The following GTF2IRD1 variants were observed in gnomAD, a reference collection of about 807,000 sequenced individuals.
The protein encoded by GTF2IRD1 is GTF2I repeat domain containing 1, also known as general transcription factor II-I repeat domain-containing protein 1.
GTF2IRD1 carries 26 observed loss-of-function variants against 113.2 expected under a neutral mutation model. The observed-to-expected ratio is 0.23, with a 90% confidence interval of 0.17 to 0.32. The LOEUF is 0.32. GTF2IRD1 is among the 10% of genes least tolerant of loss of function. The pLI is 1.00. For missense variants in GTF2IRD1, 864 were observed against 1,280.8 expected, an observed-to-expected ratio of 0.67 and a Z score of 4.97; for synonymous variants, 484 against 529.1, an observed-to-expected ratio of 0.91 and a Z score of 1.17.
At position 74,466,186 on chromosome 7, in the gene GTF2IRD1, G is replaced by T. The variant is rs544363510; in HGVS notation, c.-7+12010G>T. 7.9e-5 allele frequency among the ~76,000 whole-genome samples: 12 copies of T among 152,336 alleles called. No individual in the cohort carries two copies. In the South Asian group the frequency reaches 2.3e-3, roughly 29 times the overall value. ...AAGGTCACAGTCAGCCATCCCGCTT[G>T]TTAGAGGCCAGGCCCTGTTCTGGGG... On this transcript the variant is annotated intron_variant, in intron 1 of 26. Transcript: ENST00000424337.
chr7:74,473,397 G>T (rs1487598717), intron 1 of GTF2IRD1, among the ~76,000 whole-genome samples: 2 of 151,864 alleles, frequency 1.3e-5, no homozygotes, highest in Admixed American at 6.6e-5. Context: ...TGTGAGGTTG[G>T]GCGTGGAGGT....
At chr7:74,507,805 C>G (rs1448815868) in intron 1 of GTF2IRD1, 5 of 391,566 alleles carry the variant, frequency 1.3e-5, no homozygotes, top group African/African-American at 6.1e-5. Context: ...TGGGGCCTGT[C>G]CAACAGACTG....
At chr7:74,596,829 G>A (rs184003313) in intron 25 of GTF2IRD1, among the ~76,000 whole-genome samples, 158 of 152,130 alleles carry the variant, frequency 1.0e-3, no homozygotes, top group Non-Finnish European at 1.7e-3. Context: ...AACCAGGCCC[G>A]ACCCTGCTTC....
intron 15 of GTF2IRD1, among the ~76,000 whole-genome samples, 164 bp downstream of exon 15, chr7:74,544,966 G>C (rs2130650607): frequency 6.6e-6 from 1 of 152,266 alleles, no homozygotes; most frequent in Non-Finnish European, 1.5e-5. Flanking sequence ...CCTGATATGG[G>C]AGGAGATTTA....
intron 22 of GTF2IRD1, among the ~76,000 whole-genome samples, chr7:74,589,568 G>A (rs587767064): frequency 1.3e-5 from 2 of 152,096 alleles, no homozygotes; most frequent in South Asian, 2.1e-4. Flanking sequence ...ATGGTGGCAC[G>A]TGCCTGTGAT....
At chr7:74,462,946 G>T (rs1250602270) in intron 1 of GTF2IRD1, among the ~76,000 whole-genome samples, 1 of 152,224 alleles carries the variant, frequency 6.6e-6, no homozygotes, top group Non-Finnish European at 1.5e-5. Context: ...GGAGGTTGAG[G>T]GCGGTGCCAG....
chr7:74,482,112 TG>T (rs1554334740), intron 1 of GTF2IRD1, among the ~76,000 whole-genome samples: 1 of 152,172 alleles, frequency 6.6e-6, no homozygotes, highest in Non-Finnish European at 1.5e-5. Flanking sequence ...TAGGCGGAAC[TG>T]TACCATCTGT....
intron 22 of GTF2IRD1, among the ~76,000 whole-genome samples, chr7:74,587,960 C>T (rs1292246997): frequency 3.3e-5 from 5 of 152,236 alleles, no homozygotes; most frequent in Non-Finnish European, 5.9e-5. Flanking sequence ...GGTCAGCGAG[C>T]GGTCAGGGGA....
At chr7:74,598,023 CCT>C (rs1368127828) in intron 25 of GTF2IRD1, among the ~76,000 whole-genome samples, 1 of 152,278 alleles carries the variant, frequency 6.6e-6, no homozygotes, top group African/African-American at 2.4e-5. Flanking sequence ...TAGTCACAAG[CCT>C]GGGCCATAAA....
intron 17 of GTF2IRD1, among the ~76,000 whole-genome samples, chr7:74,551,017 G>A (rs1799275711): frequency 6.6e-6 from 1 of 151,790 alleles, no homozygotes; most frequent in Non-Finnish European, 1.5e-5. Flanking sequence ...CTCCAGTCTG[G>A]GTGACAGAGC....
intron 22 of GTF2IRD1, among the ~76,000 whole-genome samples, chr7:74,585,976 G>A (rs1801693859): frequency 1.3e-5 from 2 of 152,154 alleles, no homozygotes; most frequent in Non-Finnish European, 2.9e-5. Flanking sequence ...CAGGGCTTTG[G>A]GGTTGACACA....
intron 1 of GTF2IRD1, among the ~76,000 whole-genome samples, chr7:74,500,898 T>A (rs549110124): frequency 6.6e-6 from 1 of 152,208 alleles, no homozygotes; most frequent in South Asian, 2.1e-4. Context: ...TAATTTTTTT[T>A]ATTTTTGTAG....
chr7:74,556,790 A>ATTTTTTTTTTTTTTTTT (rs587648610), intron 19 of GTF2IRD1, among the ~76,000 whole-genome samples: 240 of 132,714 alleles, frequency 1.8e-3, no homozygotes, highest in Middle Eastern at 4.0e-3. Context: ...TGCCTGGCTA[A>ATTTTTTTTTTTTTTTTT]TTTTTGTATT....
rs782015964 is a variant in GTF2IRD1 at position 74,528,943 on chromosome 7, G to GTGGATGGATGGA, written c.1091-757_1091-746dup. On this transcript the variant is annotated intron_variant, in intron 8 of 26. Coordinates refer to ENST00000424337, the MANE Select transcript of GTF2IRD1 (RefSeq NM_005685.4). ...GATGGACGGACAACCGGGTGGATGG[G>GTGGATGGATGGA]TGGATGGATGGATGGATGGATGGAT... Among the ~76,000 whole-genome samples the GTGGATGGATGGA allele has an allele frequency of 6.0e-4, 81 of 133,964 alleles. 3 individuals carry two copies. Among genetic ancestry groups the GTGGATGGATGGA allele is most frequent in the African/African-American group, 2.0e-3 (70 of 34,714 alleles). 87.9% of individuals were successfully genotyped at this position (133,964 alleles called of 152,430 possible).
Position 74,515,570 on chromosome 7 carries a change from T to G in GTF2IRD1, c.395T>G (p.Val132Gly), listed in dbSNP as rs782384791. 1 of 1,613,066 alleles carries G rather than the reference T, an allele frequency of 6.2e-7. No homozygotes were observed. The change falls in exon 4 of 27, where the codon GTA becomes GGA. Residue 132 changes from valine (V) to glycine (G), a missense_variant. By Grantham distance (109) the Val-to-Gly change is moderately radical (BLOSUM62 -3). Coordinates refer to ENST00000424337, the MANE Select transcript of GTF2IRD1 (RefSeq NM_005685.4). ...GSDVYLLRKMVEEVFDVLYSE... is the reference protein window; with the variant it reads ...GSDVYLLRKMGEEVFDVLYSE... ...GATGTGTACCTTCTGCGGAAGATGG[T>G]AGAGGAGGTGTTTGATGTTCTTTAT...
At chr7:74,557,430 C>T (rs1436489212) in intron 19 of GTF2IRD1, among the ~76,000 whole-genome samples, 2 of 152,190 alleles carry the variant, frequency 1.3e-5, no homozygotes, top group Non-Finnish European at 2.9e-5. Context: ...ATTTCCAACT[C>T]ATCACTGTTG....
At chr7:74,566,037 A>ACACACACACACACC (rs1491121434) in intron 22 of GTF2IRD1, among the ~76,000 whole-genome samples, 7 of 151,020 alleles carry the variant, frequency 4.6e-5, no homozygotes, top group African/African-American at 1.7e-4. Flanking sequence ...ACACACACAC[A>ACACACACACACACC]CCCTAAAGAG....
intron 12 of GTF2IRD1, 152 bp downstream of exon 12, chr7:74,538,325 G>A: frequency 1.3e-6 from 1 of 752,830 alleles, no homozygotes; most frequent in Non-Finnish European, 2.3e-6. Context: ...AGGCCTCGCA[G>A]AGCTGAGGTG....
chr7:74,588,308 A>G (rs1442622299), intron 22 of GTF2IRD1, among the ~76,000 whole-genome samples: 1 of 151,250 alleles, frequency 6.6e-6, no homozygotes. Flanking sequence ...GGGTTTCGCT[A>G]TGTTGGCCAG....
Sources: allele counts gnomAD v4.1 joint callset (sites outside exome capture counted in the v4.1 genomes callset), GRCh38; gene constraint gnomAD v4.1.1; transcripts MANE v1.5; gene names NCBI Gene and HGNC (gene_info 2026-07-23, HGNC 2026-07-21).